Variants in SIGLEC7 observed in about 807,000 individuals in gnomAD.
The protein encoded by SIGLEC7 is sialic acid binding Ig like lectin 7, also known as sialic acid-binding Ig-like lectin 7.
SIGLEC7 carries 33 observed loss-of-function variants against 40.8 expected under a neutral mutation model. The observed-to-expected ratio is 0.81, with a 90% CI of 0.61 to 1.08. The LOEUF is 1.08. Ranked by LOEUF, SIGLEC7 falls within the 50% of genes least tolerant of loss-of-function variation. The pLI is 0.00. For synonymous variants in SIGLEC7, 242 were observed against 237.6 expected (o/e 1.02, Z -0.17); for missense variants, 513 against 576.1 (o/e 0.89, Z 1.12).
intron 1 of SIGLEC7, among the ~76,000 whole-genome samples, chr19:51,143,171 A>G (rs1358692741): frequency 1.3e-5 from 2 of 152,136 alleles, no homozygotes; most frequent in Non-Finnish European, 1.5e-5. Flanking sequence ...CAGTGAGACA[A>G]TAACAATTAT....
chr19:51,146,463 A>G (rs542119076), intron 4 of SIGLEC7, among the ~76,000 whole-genome samples: 1 of 152,352 alleles, frequency 6.6e-6, no homozygotes, highest in South Asian at 2.1e-4. Context: ...ACAACTCAGC[A>G]AGCAAGTGAA....
At chr19:51,143,532 T>G (rs2122886338) in intron 1 of SIGLEC7, among the ~76,000 whole-genome samples, 1 of 152,070 alleles carries the variant, frequency 6.6e-6, no homozygotes, top group South Asian at 2.1e-4. Flanking sequence ...CCTCCCTGGG[T>G]GGGTCTCTAG....
At chr19:51,150,038 G>A (rs533110506) in intron 6 of SIGLEC7, among the ~76,000 whole-genome samples, 1 of 152,262 alleles carries the variant, frequency 6.6e-6, no homozygotes, top group East Asian at 1.9e-4. Flanking sequence ...CATTTAAGAA[G>A]CTTTTGGGCT....
intron 1 of SIGLEC7, 115 bp from the exon 2 acceptor site, chr19:51,144,291 G>A (rs1177386891): frequency 6.6e-7 from 1 of 1,504,914 alleles, no homozygotes; most frequent in African/African-American, 1.4e-5. Flanking sequence ...CCTGGGAGAG[G>A]GCTGAGGGTG....
At position 51,144,505 on chromosome 19, in the gene SIGLEC7, C is replaced by CG; in HGVS notation, c.534dup (p.Pro179AlafsTer101). The CG allele has an allele frequency of 6.2e-7, 1 of 1,613,790 alleles. No individual in the cohort carries two copies. On this transcript the variant is annotated frameshift_variant, in exon 2 of 7. Coordinates refer to ENST00000317643, the MANE Select transcript of SIGLEC7 (RefSeq NM_014385.4). LOFTEE classifies it high-confidence loss of function. ...GTGCCCTGGGCCTGTGAGCAGGGGA[C>CG]GCCCCCTATGATCTCCTGGATGGGG... is the stretch of plus-strand genomic sequence containing the variant.
intron 5 of SIGLEC7, 21 bp downstream of exon 5, chr19:51,146,871 G>A: frequency 1.2e-6 from 2 of 1,606,476 alleles, no homozygotes; most frequent in Non-Finnish European, 1.7e-6. Context: ...ACCCTAGGGA[G>A]GGAGGGAGAG....
intron 4 of SIGLEC7, 34 bp from the exon 5 acceptor site, chr19:51,146,720 T>TAA: frequency 6.3e-7 from 1 of 1,587,098 alleles, no homozygotes; most frequent in Non-Finnish European, 8.6e-7. Context: ...GTTCTTGGAG[T>TAA]TGGATCACCA....
rs2092076418 is a variant in SIGLEC7, at chr19:51,142,663, T to C, written c.294T>C (p.Leu98=). 6.2e-7 allele frequency: 1 copy of C among 1,614,150 alleles called. No individual in the cohort carries two copies. The highest frequency in any genetic ancestry group is 8.5e-7 in the Non-Finnish European group (1 of 1,180,024). The change falls in exon 1 of 7, where the codon CTT becomes CTC. Residue 98 remains leucine, a synonymous_variant. Coordinates refer to ENST00000317643, the MANE Select transcript of SIGLEC7 (RefSeq NM_014385.4). The surrounding 1 kb of genome is among the most constrained non-coding windows in gnomAD (Gnocchi z 5.0). ...QEETRDRFHL[L]GDPQTKNCTL... is the part of the protein sequence containing the mutation. ...AAACTCGGGACCGATTCCACCTCCT[T>C]GGGGACCCACAGACCAAAAATTGCA... is the stretch of plus-strand genomic sequence containing the variant.
At position 51,144,441 on chromosome 19, in the gene SIGLEC7, A is replaced by T; in HGVS notation, c.469A>T (p.Thr157Ser). The T allele has an allele frequency of 1.2e-6, 2 of 1,612,786 alleles. No individual in the cohort carries two copies. The highest frequency in any genetic ancestry group is 1.7e-6 in the Non-Finnish European group (2 of 1,179,826). Reference protein sequence around the residue: ...THRPNILIPGTLESGCFQNLT... With the variant: ...THRPNILIPGSLESGCFQNLT... ...CAGGCCCAACATCCTTATCCCCGGT[A>T]CCCTGGAGTCTGGCTGCTTCCAGAA... is the stretch of plus-strand genomic sequence containing the variant. Residue 157 changes from threonine to serine, a missense_variant, in exon 2 of 7, where the codon ACC becomes TCC. Coordinates refer to ENST00000317643, the MANE Select transcript of SIGLEC7 (RefSeq NM_014385.4).
chr19:51,150,699 A>G (rs910907831), intron 6 of SIGLEC7, among the ~76,000 whole-genome samples: 1 of 152,212 alleles, frequency 6.6e-6, no homozygotes. Context: ...TAGTTTCAGT[A>G]GGAACAGAAG....
rs2092092750 is a variant in SIGLEC7 at position 51,144,556 on chromosome 19, C to G, written c.584C>G (p.Ser195Cys). The change falls in exon 2 of 7, where the codon TCC (serine) becomes TGC (cysteine). Residue 195 changes from serine to cysteine, a missense_variant. By Grantham distance (112) the Ser-to-Cys change is moderately radical. Coordinates refer to ENST00000317643, the MANE Select transcript of SIGLEC7 (RefSeq NM_014385.4). ...ACCTCTGTGTCCCCCCTGCACCCCT[C>G]CACCACCCGCTCCTCAGTGCTCACC... ...MGTSVSPLHP[S>C]TTRSSVLTLI... 1.2e-6 allele frequency: 2 copies of G among 1,613,758 alleles called. No homozygotes were observed. Among genetic ancestry groups the G allele is most frequent in the Middle Eastern group, 1.6e-4 (1 of 6,066 alleles).
intron 4 of SIGLEC7, among the ~76,000 whole-genome samples, chr19:51,146,423 TG>T (rs2092108846): frequency 6.6e-6 from 1 of 152,136 alleles, no homozygotes; most frequent in Admixed American, 6.5e-5. Context: ...CACTCACTTC[TG>T]GGCACACGAC....
At chr19:51,149,638 T>C (rs948461027) in intron 6 of SIGLEC7, among the ~76,000 whole-genome samples, 1 of 152,176 alleles carries the variant, frequency 6.6e-6, no homozygotes, top group East Asian at 1.9e-4. Context: ...ATTTGGGCAC[T>C]TTTTTGGTTT....
chr19:51,148,259 T>C (rs1179621461), intron 6 of SIGLEC7, among the ~76,000 whole-genome samples: 1 of 152,222 alleles, frequency 6.6e-6, no homozygotes, highest in Non-Finnish European at 1.5e-5. Flanking sequence ...CAGAGGGGTT[T>C]GTGGTACAGA....
rs151189261 is a variant in SIGLEC7 at position 51,151,453 on chromosome 19, G to A, written c.1222-1610G>A. ...GATCAAAGACTATAGTCAGGAGAAA[G>A]GAGTGGGCTGGGGGTACAGATTTGG... On this transcript the variant is annotated intron_variant, in intron 6 of 6. Coordinates refer to ENST00000317643, the MANE Select transcript of SIGLEC7 (RefSeq NM_014385.4). Among the ~76,000 whole-genome samples, 52 of 152,346 alleles carry A rather than the reference G, an allele frequency of 3.4e-4. 1 individual carries two copies. In the East Asian group the frequency reaches 6.9e-3, roughly 20 times the overall value.
intron 6 of SIGLEC7, among the ~76,000 whole-genome samples, chr19:51,149,564 T>C (rs1361876359): frequency 6.6e-6 from 1 of 152,248 alleles, no homozygotes; most frequent in Admixed American, 6.5e-5. Flanking sequence ...AGACTTGTAA[T>C]ATAGTTTAAA....
chr19:51,144,368 T>C, intron 1 of SIGLEC7, 38 bp from the exon 2 acceptor site: 2 of 1,566,260 alleles, frequency 1.3e-6, no homozygotes, highest in South Asian at 2.3e-5. Flanking sequence ...GTACCATGGA[T>C]CCTCTGTCCT....
At position 51,145,735 on chromosome 19, in the gene SIGLEC7, A is replaced by G; in HGVS notation, c.761-120A>G. 8.7e-7 allele frequency: 1 copy of G among 1,152,434 alleles called. No individual in the cohort carries two copies. The highest frequency in any genetic ancestry group is 1.5e-5 in the African/African-American group (1 of 64,964). 71.4% of individuals were successfully genotyped at this position (1,152,434 alleles called of 1,614,324 possible). On this transcript the variant is annotated intron_variant, in intron 3 of 6. Coordinates refer to ENST00000317643, the MANE Select transcript of SIGLEC7 (RefSeq NM_014385.4). The surrounding 1 kb of genome is among the most constrained non-coding windows in gnomAD (Gnocchi z 4.3). ...ACATTCCCAACAGTGAGCGGTGAAC[A>G]TAAGTATGTCCCTGCACCAGCCTAC...
intron 6 of SIGLEC7, among the ~76,000 whole-genome samples, chr19:51,149,889 A>AT (rs1375076230): frequency 6.6e-6 from 1 of 152,108 alleles, no homozygotes; most frequent in African/African-American, 2.4e-5. Flanking sequence ...ATTTCTAAAA[A>AT]TTTTATTCTT....
Sources: allele counts gnomAD v4.1 joint callset (sites outside exome capture counted in the v4.1 genomes callset), GRCh38; gene constraint gnomAD v4.1.1; non-coding constraint Gnocchi (gnomAD v3.1); transcripts MANE v1.5; gene names NCBI Gene and HGNC (gene_info 2026-07-23, HGNC 2026-07-21).